Variants in ROCK1 observed in about 807,000 individuals in gnomAD.
ROCK1 encodes rho-associated protein kinase 1.
In ROCK1, 36 loss-of-function variants were observed where a neutral mutation model predicts 196.8. The ratio of observed to expected loss-of-function variants is 0.18; its 90% CI spans 0.14 to 0.24. The LOEUF (loss-of-function observed/expected upper bound fraction) is 0.24, where lower values mean the gene tolerates loss of function less well. Among genes scored for constraint, ROCK1 ranks in the 10% least tolerant of loss-of-function variants. ROCK1 has a pLI of 1.00. For synonymous variants in ROCK1, 443 were observed against 515.9 expected, an observed-to-expected ratio of 0.86 and a Z score of 1.91; for missense variants, 920 against 1,562.0, an observed-to-expected ratio of 0.59 and a Z score of 6.93.
chr18:21,061,672 T>C (rs1432198080), intron 2 of ROCK1, among the ~76,000 whole-genome samples: 1 of 152,178 alleles, frequency 6.6e-6, no homozygotes, highest in East Asian at 1.9e-4. Context: ...TGAATCTAAA[T>C]GTATGACTAA....
chr18:20,949,774 T>C lies in ROCK1; in HGVS notation c.*1610A>G, dbSNP rs1411314480. 1 of 152,628 alleles carries C rather than the reference T, an allele frequency of 6.6e-6. No individual in the cohort carries two copies. The highest frequency in any genetic ancestry group is 1.5e-5 in the Non-Finnish European group (1 of 68,046). 9.5% of individuals were successfully genotyped at this position (152,628 alleles called of 1,614,324 possible). ...TTAAAAATACACTTTAATCTAACCA[T>C]GGAATTTCACAAACATTTATATACA... On this transcript the variant is annotated 3_prime_UTR_variant, in exon 33 of 33. Transcript: ENST00000399799.
intron 9 of ROCK1, among the ~76,000 whole-genome samples, chr18:21,038,651 A>C (rs1435322689): frequency 6.6e-6 from 1 of 152,204 alleles, no homozygotes; most frequent in African/African-American, 2.4e-5. Flanking sequence ...TAACTTTCTA[A>C]AATAAGGTAG....
chr18:20,960,229 A>G, intron 27 of ROCK1, 23 bp from the exon 28 acceptor site: 2 of 1,352,876 alleles, frequency 1.5e-6, no homozygotes, highest in Admixed American at 1.7e-5. Context: ...GAATATATGT[A>G]TTAGTCAGTC....
intron 27 of ROCK1, among the ~76,000 whole-genome samples, chr18:20,964,044 G>T (rs2035350814): frequency 6.6e-6 from 1 of 151,996 alleles, no homozygotes; most frequent in Admixed American, 6.6e-5. Flanking sequence ...AGATGTGCAA[G>T]ATAATTAAAT....
chr18:21,036,789 T>C (rs1448444861), intron 9 of ROCK1, among the ~76,000 whole-genome samples: 4 of 152,136 alleles, frequency 2.6e-5, no homozygotes, highest in African/African-American at 4.8e-5. Flanking sequence ...ATTATTAATA[T>C]TAATATGTTA....
At chr18:21,089,886 T>C (rs1367044482) in intron 1 of ROCK1, among the ~76,000 whole-genome samples, 2 of 152,296 alleles carry the variant, frequency 1.3e-5, no homozygotes, top group East Asian at 1.9e-4. Flanking sequence ...AAGTGAACCA[T>C]TATTAAGTCT....
intron 22 of ROCK1, among the ~76,000 whole-genome samples, chr18:20,973,572 C>CTAT (rs2035450871): frequency 6.6e-6 from 1 of 152,038 alleles, no homozygotes; most frequent in Non-Finnish European, 1.5e-5. Flanking sequence ...TCACCACACC[C>CTAT]GACCAAGTCA....
intron 22 of ROCK1, among the ~76,000 whole-genome samples, chr18:20,979,674 C>A (rs1233318134): frequency 6.6e-6 from 1 of 151,942 alleles, no homozygotes; most frequent in African/African-American, 2.4e-5. Context: ...AAACAATTGT[C>A]AAACCAACTT....
intron 22 of ROCK1, among the ~76,000 whole-genome samples, chr18:20,972,978 GAA>G (rs1480101313): frequency 6.6e-6 from 1 of 151,960 alleles, no homozygotes; most frequent in Non-Finnish European, 1.5e-5. Context: ...CTCCTGGGTT[GAA>G]GCAATTCCCC....
intron 10 of ROCK1, among the ~76,000 whole-genome samples, chr18:21,026,447 A>G (rs1248742296): frequency 1.2e-4 from 17 of 141,794 alleles, no homozygotes; most frequent in Admixed American, 1.1e-3. Flanking sequence ...TCTGTCTCGA[A>G]AAAAAAAAAA....
At chr18:21,013,000 A>AT (rs1181954196) in intron 13 of ROCK1, among the ~76,000 whole-genome samples, 3 of 151,872 alleles carry the variant, frequency 2.0e-5, no homozygotes, top group Non-Finnish European at 2.9e-5. Flanking sequence ...TTCTGAGACT[A>AT]TTTTTTTGCT....
At position 21,107,345 on chromosome 18, in the gene ROCK1, G is replaced by T. The variant is rs1262626270; in HGVS notation, c.93+3473C>A. ...GCAAATTTCTGAAACCAAAAGATTT[G>T]GAAGTTTCCATTTCTAAGCATGAAT... On this transcript the variant is annotated intron_variant, in intron 1 of 32. Coordinates refer to ENST00000399799, the MANE Select transcript of ROCK1 (RefSeq NM_005406.3). Among the ~76,000 whole-genome samples the T allele has an allele frequency of 4.6e-5, 7 of 152,064 alleles. No homozygotes were observed. In the East Asian group the frequency reaches 1.4e-3, roughly 29 times the overall value.
At chr18:21,073,304 C>T (rs1485205831) in intron 1 of ROCK1, among the ~76,000 whole-genome samples, 1 of 152,056 alleles carries the variant, frequency 6.6e-6, no homozygotes, top group African/African-American at 2.4e-5. Context: ...TAACATTTTA[C>T]AGTGATCTCT....
chr18:21,062,431 GGCAAAAACT>G (rs1332591149), intron 2 of ROCK1, among the ~76,000 whole-genome samples: 1 of 151,714 alleles, frequency 6.6e-6, no homozygotes, highest in Non-Finnish European at 1.5e-5. Context: ...TAAAAATAGT[GGCAAAAACT>G]GCAATTACTT....
chr18:21,093,539 G>A (rs1446468432), intron 1 of ROCK1, among the ~76,000 whole-genome samples: 4 of 152,156 alleles, frequency 2.6e-5, no homozygotes, highest in Admixed American at 2.6e-4. Context: ...AAAGAGGAAA[G>A]AAAGGGTAGC....
At position 20,954,829 on chromosome 18, in the gene ROCK1, G is replaced by A. The variant is rs2035226283; in HGVS notation, c.3807C>T (p.His1269=). Residue 1269 remains histidine (H), a synonymous_variant, in exon 31 of 33, where the codon CAC becomes CAT. Coordinates refer to ENST00000399799, the MANE Select transcript of ROCK1 (RefSeq NM_005406.3). The stretch of plus-strand genomic sequence containing the variant: ...CCTCTTTCTTATCTAAGTGATCTCT[G>A]TGGCACTTAACATGGCATCTTCGAC... The part of the protein sequence containing the change: ...LECRRCHVKC[H]RDHLDKKEDL... 6.2e-7 allele frequency: 1 copy of A among 1,613,926 alleles called. No homozygotes were observed. Among genetic ancestry groups the A allele is most frequent in the Non-Finnish European group, 8.5e-7 (1 of 1,179,848 alleles).
At chr18:21,012,491 T>C (rs1194472554) in intron 13 of ROCK1, among the ~76,000 whole-genome samples, 2 of 152,208 alleles carry the variant, frequency 1.3e-5, no homozygotes, top group Non-Finnish European at 2.9e-5. Context: ...CCATGGTTTC[T>C]GATAAGAAAT....
chr18:21,063,400 G>A (rs551428527), intron 2 of ROCK1, among the ~76,000 whole-genome samples: 35 of 152,234 alleles, frequency 2.3e-4, no homozygotes, highest in African/African-American at 8.4e-4. Flanking sequence ...CAAAAATGAA[G>A]GCTTATTTGA....
At chr18:21,083,987 GTCAATTAATT>G (rs2036504547) in intron 1 of ROCK1, among the ~76,000 whole-genome samples, 1 of 152,166 alleles carries the variant, frequency 6.6e-6, no homozygotes, top group Admixed American at 6.5e-5. Context: ...CATACATATG[GTCAATTAATT>G]TCAACATGTG....
Sources: allele counts gnomAD v4.1 joint callset (sites outside exome capture counted in the v4.1 genomes callset), GRCh38; gene constraint gnomAD v4.1.1; transcripts MANE v1.5; gene names NCBI Gene and HGNC (gene_info 2026-07-23, HGNC 2026-07-21).